The following AMN1 variants were observed in gnomAD, a reference collection of about 807,000 sequenced individuals.
The protein encoded by AMN1 is protein AMN1 homolog.
A neutral mutation model predicts 33.0 loss-of-function variants in AMN1; 20 were observed. The observed-to-expected ratio is 0.61, with a 90% CI of 0.43 to 0.88. AMN1 has a LOEUF of 0.88. AMN1 is among the 40% of genes least tolerant of loss of function. The probability of loss-of-function intolerance (pLI) is 0.00; values close to 1 mark genes in which losing one functional copy is unlikely to be tolerated. For missense variants in AMN1, 246 were observed against 307.4 expected (o/e 0.80, Z 1.49); for synonymous variants, 114 against 111.9 (o/e 1.02, Z -0.12).
At position 31,687,281 on chromosome 12, in the gene AMN1, C is replaced by T. The variant is rs118048558; in HGVS notation, c.703+1726G>A. Among the ~76,000 whole-genome samples, 1 of 152,178 alleles carries T rather than the reference C, an allele frequency of 6.6e-6. No homozygotes were observed. The highest frequency in any genetic ancestry group is 1.5e-5 in the Non-Finnish European group (1 of 68,036). On this transcript the variant is annotated intron_variant, in intron 6 of 6. Transcript: ENST00000281471. This position sits in a 1 kb window ranked among gnomAD's most constrained non-coding sequence, Gnocchi z 4.1. ...CCCAGATACAATCTATGGTTACAGC[C>T]TTGGTTAAGGCTGGCAACCTAAAAA...
Position 31,724,369 on chromosome 12 carries a change from T to C in AMN1, c.38+4602A>G, listed in dbSNP as rs536790579. Reference sequence around the variant, plus strand: ...AGTAGCCCTGCGACAATAGCTCTGATAACCAAGAAGGCTACTAAATGGACA... The same window carrying C: ...AGTAGCCCTGCGACAATAGCTCTGACAACCAAGAAGGCTACTAAATGGACA... On this transcript the variant is annotated intron_variant, in intron 1 of 6. Transcript: ENST00000281471. 2.6e-5 allele frequency among the ~76,000 whole-genome samples: 4 copies of C among 152,326 alleles called. No homozygotes were observed. The East Asian group carries it at 7.7e-4, about 29-fold the overall frequency.
rs1030259348 is a variant in AMN1, at chr12:31,718,975, G to A, written c.39-9550C>T. The stretch of plus-strand genomic sequence containing the variant: ...CTGCGCTAGCAGCGAGCAAGGCTCC[G>A]TGGGTATGGGACCTGCCAAGCCAGG... On this transcript the variant is annotated intron_variant, in intron 1 of 6. Transcript: ENST00000281471. 3.9e-5 allele frequency among the ~76,000 whole-genome samples: 6 copies of A among 152,386 alleles called. No homozygotes were observed. In the East Asian group the frequency reaches 1.2e-3, roughly 29 times the overall value.
In AMN1 at chr12:31,672,144, A is replaced by G; in HGVS notation, c.*160T>C. 8.5e-6 allele frequency: 5 copies of G among 589,520 alleles called. No homozygotes were observed. The highest frequency in any genetic ancestry group is 2.2e-5 in the South Asian group (1 of 44,884). The allele number at this position is 589,520 out of a possible 1,614,324, so 36.5% of individuals were successfully genotyped here. ...TTTAAGAGTAAAGCACAAACCATGT[A>G]TATACCAAGACTTAGCTAATTCTCT... On this transcript the variant is annotated 3_prime_UTR_variant, in exon 7 of 7. Coordinates refer to ENST00000281471, the MANE Select transcript of AMN1 (RefSeq NM_001113402.2).
At chr12:31,710,913 GTTTA>G (rs950861204) in intron 1 of AMN1, among the ~76,000 whole-genome samples, 14 of 151,942 alleles carry the variant, frequency 9.2e-5, no homozygotes, top group Non-Finnish European at 2.9e-5. Context: ...ATCATGGCTA[GTTTA>G]TTTATTTTTT....
chr12:31,728,269 C>T (rs1940162119), intron 1 of AMN1, among the ~76,000 whole-genome samples: 1 of 152,162 alleles, frequency 6.6e-6, no homozygotes, highest in South Asian at 2.1e-4. Context: ...GCCCTTGTAA[C>T]TTCCATTTCC....
chr12:31,719,966 ATGT>A (rs1939820515), intron 1 of AMN1, among the ~76,000 whole-genome samples: 1 of 152,200 alleles, frequency 6.6e-6, no homozygotes, highest in Non-Finnish European at 1.5e-5. Flanking sequence ...TTCTCAATAT[ATGT>A]TATAATATAT....
chr12:31,726,174 T>TC (rs750624948), intron 1 of AMN1, among the ~76,000 whole-genome samples: 44 of 150,666 alleles, frequency 2.9e-4, no homozygotes, highest in African/African-American at 1.0e-3. Context: ...TTTTTTTTTT[T>TC]TGGGGGGACG....
At chr12:31,728,232 A>G (rs778740855) in intron 1 of AMN1, among the ~76,000 whole-genome samples, 1 of 152,164 alleles carries the variant, frequency 6.6e-6, no homozygotes, top group Non-Finnish European at 1.5e-5. Flanking sequence ...ATATTAACGG[A>G]CTGAAAGCTC....
intron 2 of AMN1, among the ~76,000 whole-genome samples, chr12:31,705,753 T>C (rs934144557): frequency 2.0e-5 from 3 of 152,182 alleles, no homozygotes; most frequent in Non-Finnish European, 4.4e-5. Context: ...CCTTTCTTTA[T>C]GGCCCAGAAC....
chr12:31,725,616 C>T (rs1318114726), intron 1 of AMN1, among the ~76,000 whole-genome samples: 1 of 152,146 alleles, frequency 6.6e-6, no homozygotes, highest in Non-Finnish European at 1.5e-5. Context: ...TAAACTTAAC[C>T]ATGGCTTCCT....
intron 1 of AMN1, among the ~76,000 whole-genome samples, chr12:31,712,299 G>A (rs1386527954): frequency 1.3e-5 from 2 of 152,050 alleles, no homozygotes; most frequent in Non-Finnish European, 2.9e-5. Flanking sequence ...CCAGGCTAGA[G>A]TGCAGTGGTG....
In AMN1 at chr12:31,687,668, CAG is replaced by C. The variant is rs1255803790; in HGVS notation, c.703+1337_703+1338del. 1.1e-4 allele frequency among the ~76,000 whole-genome samples: 16 copies of C among 145,594 alleles called. No homozygotes were observed. The South Asian group carries it at 3.4e-3, about 31-fold the overall frequency. Reference sequence around the variant, plus strand: ...ACTGCACTCCAGCCTCGGCGGGTGACAGAGCGAGATTCTGTCTCAAAAAAAAA... The same window carrying C: ...ACTGCACTCCAGCCTCGGCGGGTGACAGCGAGATTCTGTCTCAAAAAAAAA... On this transcript the variant is annotated intron_variant, in intron 6 of 6. Coordinates refer to ENST00000281471, the MANE Select transcript of AMN1 (RefSeq NM_001113402.2). The surrounding 1 kb of genome is among the most constrained non-coding windows in gnomAD (Gnocchi z 4.1).
At chr12:31,699,395 CAAAAAAAAAA>C (rs34860207) in intron 3 of AMN1, among the ~76,000 whole-genome samples, 4 of 36,870 alleles carry the variant, frequency 1.1e-4, no homozygotes, top group East Asian at 9.8e-4. Context: ...GACTCTGTCT[CAAAAAAAAAA>C]AAAAAAAAAA....
At chr12:31,702,544 T>C (rs949301556) in intron 2 of AMN1, among the ~76,000 whole-genome samples, 5 of 151,972 alleles carry the variant, frequency 3.3e-5, no homozygotes, top group African/African-American at 7.3e-5. Flanking sequence ...TTCTGAGCTC[T>C]TTCCTGTATT....
At chr12:31,703,741 G>C (rs1423022099) in intron 2 of AMN1, among the ~76,000 whole-genome samples, 10 of 152,212 alleles carry the variant, frequency 6.6e-5, no homozygotes, top group Non-Finnish European at 1.5e-5. Flanking sequence ...AATAGATTGT[G>C]GTTGTATATT....
Position 31,687,686 on chromosome 12 carries a change from CAAA to C in AMN1, c.703+1318_703+1320del, listed in dbSNP as rs529854333. Among the ~76,000 whole-genome samples, 1 of 108,274 alleles carries C rather than the reference CAAA, an allele frequency of 9.2e-6. No individual in the cohort carries two copies. Among genetic ancestry groups the C allele is most frequent in the Non-Finnish European group, 2.0e-5 (1 of 51,044 alleles). 71.0% of individuals were successfully genotyped at this position (108,274 alleles called of 152,430 possible). A position where few individuals can be genotyped will look rare whatever the true frequency, so the allele number is the denominator to read the frequency against. On this transcript the variant is annotated intron_variant, in intron 6 of 6. Transcript: ENST00000281471. This position sits in a 1 kb window ranked among gnomAD's most constrained non-coding sequence, Gnocchi z 4.1. ...CGGGTGACAGAGCGAGATTCTGTCT[CAAA>C]AAAAAAAAAAAGAATAATTGGAATA...
chr12:31,705,484 C>T (rs1939192546), intron 2 of AMN1, among the ~76,000 whole-genome samples: 1 of 151,456 alleles, frequency 6.6e-6, no homozygotes, highest in Non-Finnish European at 1.5e-5. Flanking sequence ...AGAGTGAGAC[C>T]CTGTCTCAAA....
chr12:31,699,925 C>G (rs1417842915), intron 3 of AMN1, among the ~76,000 whole-genome samples: 1 of 152,086 alleles, frequency 6.6e-6, no homozygotes, highest in Admixed American at 6.5e-5. Flanking sequence ...GTGAAAAAAC[C>G]CCACACATTT....
rs139501623 is a variant in AMN1 at position 31,724,864 on chromosome 12, T to C, written c.38+4107A>G. Among the ~76,000 whole-genome samples, 1,020 of 152,334 alleles carry C rather than the reference T, an allele frequency of 6.7e-3. 13 individuals carry two copies. Among genetic ancestry groups the C allele is most frequent in the African/African-American group, 0.023 (956 of 41,576 alleles). On this transcript the variant is annotated intron_variant, in intron 1 of 6. Transcript: ENST00000281471. The stretch of plus-strand genomic sequence containing the variant: ...GTTGGGACAGAAACAAATCAAATAG[T>C]TCTTAAAATTCTGGGAGGACTATTG...
Sources: gnomAD v4.1 joint callset for allele counts (sites outside exome capture counted in the v4.1 genomes callset) on GRCh38, gnomAD v4.1.1 for gene constraint, Gnocchi (gnomAD v3.1) non-coding constraint, MANE v1.5 for transcripts, NCBI Gene and HGNC (gene_info 2026-07-23, HGNC 2026-07-21) for gene names.